TMEM200A: variants seen among roughly 807,000 people sequenced by gnomAD.
TMEM200A encodes two transmembrane C.
TMEM200A carries 12 observed loss-of-function variants against 24.3 expected under a neutral mutation model. The ratio of observed to expected loss-of-function variants is 0.49; its 90% CI spans 0.32 to 0.80. The LOEUF (loss-of-function observed/expected upper bound fraction) is 0.80. TMEM200A is among the 30% of genes least tolerant of loss of function. TMEM200A has a pLI of 0.04. For synonymous variants in TMEM200A, 224 were observed against 224.4 expected (o/e 1.00, Z 0.02); for missense variants, 545 against 614.4 (o/e 0.89, Z 1.19).
chr6:130,384,876 C>G (rs962727144), intron 1 of TMEM200A, among the ~76,000 whole-genome samples: 2 of 152,108 alleles, frequency 1.3e-5, no homozygotes, highest in African/African-American at 4.8e-5. Flanking sequence ...GGATGTTAGA[C>G]AGTTTGGGAT....
At chr6:130,401,434 T>TTTCCTTCC (rs66555845) in intron 2 of TMEM200A, among the ~76,000 whole-genome samples, 1 of 144,920 alleles carries the variant, frequency 6.9e-6, no homozygotes, top group East Asian at 2.0e-4. Context: ...TCTTTCTCTC[T>TTTCCTTCC]TTCCTTCCTT....
intron 2 of TMEM200A, among the ~76,000 whole-genome samples, chr6:130,393,978 C>T (rs1413886000): frequency 1.3e-5 from 2 of 152,104 alleles, no homozygotes; most frequent in Non-Finnish European, 2.9e-5. Context: ...ATCACATATG[C>T]CTCTTTGATT....
chr6:130,388,922 C>G (rs2115104056), intron 2 of TMEM200A, among the ~76,000 whole-genome samples: 1 of 152,196 alleles, frequency 6.6e-6, no homozygotes, highest in South Asian at 2.1e-4. Flanking sequence ...AGAGAAATTA[C>G]TTACAAAACC....
intron 1 of TMEM200A, among the ~76,000 whole-genome samples, chr6:130,368,974 G>A (rs1030469260): frequency 5.3e-5 from 8 of 152,222 alleles, no homozygotes; most frequent in Non-Finnish European, 8.8e-5. Context: ...AATTCTGGCA[G>A]AATTAAAGAG....
chr6:130,393,237 G>A (rs1435472400), intron 2 of TMEM200A, among the ~76,000 whole-genome samples: 2 of 152,144 alleles, frequency 1.3e-5, no homozygotes, highest in Non-Finnish European at 2.9e-5. Flanking sequence ...GGAAGACCAA[G>A]GGATCTGGGT....
chr6:130,409,074 C>T (rs1779275018), intron 2 of TMEM200A, among the ~76,000 whole-genome samples: 1 of 152,166 alleles, frequency 6.6e-6, no homozygotes, highest in African/African-American at 2.4e-5. Context: ...CCACATGCAT[C>T]TGAATCTCCT....
At chr6:130,413,396 G>C (rs567942546) in intron 2 of TMEM200A, among the ~76,000 whole-genome samples, 2 of 152,238 alleles carry the variant, frequency 1.3e-5, no homozygotes, top group Non-Finnish European at 2.9e-5. Flanking sequence ...TGTCTCACAG[G>C]CATTTCAGAC....
At chr6:130,371,638 A>G (rs745270) in intron 1 of TMEM200A, among the ~76,000 whole-genome samples, 35,998 of 152,164 alleles carry the variant, frequency 0.24, 5,695 homozygotes, top group African/African-American at 0.45. Context: ...AACCTGGACA[A>G]GAATGTCAAG....
intron 2 of TMEM200A, among the ~76,000 whole-genome samples, chr6:130,427,258 T>A (rs1779765993): frequency 6.6e-6 from 1 of 152,120 alleles, no homozygotes; most frequent in Non-Finnish European, 1.5e-5. Flanking sequence ...TAAGTGAGAG[T>A]TCTGTTACGT....
Position 130,366,758 on chromosome 6 carries a change from C to T in TMEM200A, c.-81+234C>T, listed in dbSNP as rs1045846912. On this transcript the variant is annotated intron_variant, in intron 1 of 2. Transcript: ENST00000296978. This position sits in a 1 kb window ranked among gnomAD's most constrained non-coding sequence, Gnocchi z 4.4. The stretch of plus-strand genomic sequence containing the variant: ...GCCGTGCGGGGCAGCCTCCAAGAAC[C>T]CGGAGTACTGGAGCGCCTGGCTGGG... Among the ~76,000 whole-genome samples, 5 of 152,200 alleles carry T rather than the reference C, an allele frequency of 3.3e-5. No individual in the cohort carries two copies. The highest frequency in any genetic ancestry group is 7.3e-5 in the Non-Finnish European group (5 of 68,030).
intron 2 of TMEM200A, among the ~76,000 whole-genome samples, chr6:130,421,793 T>G (rs1779598241): frequency 6.6e-6 from 1 of 152,166 alleles, no homozygotes; most frequent in Non-Finnish European, 1.5e-5. Flanking sequence ...AGTATTTTTC[T>G]TTTTGTCTGG....
chr6:130,395,447 T>C (rs1778930558), intron 2 of TMEM200A, among the ~76,000 whole-genome samples: 1 of 152,172 alleles, frequency 6.6e-6, no homozygotes, highest in African/African-American at 2.4e-5. Flanking sequence ...GAAGTCATGC[T>C]AAGAAAGAAC....
intron 2 of TMEM200A, among the ~76,000 whole-genome samples, chr6:130,436,388 T>G (rs755408331): frequency 2.6e-5 from 4 of 151,416 alleles, no homozygotes; most frequent in Non-Finnish European, 5.9e-5. Flanking sequence ...AACAGGATTC[T>G]TACATTTCCC....
chr6:130,378,283 C>T (rs1484745857), intron 1 of TMEM200A, among the ~76,000 whole-genome samples: 1 of 151,582 alleles, frequency 6.6e-6, no homozygotes, highest in East Asian at 1.9e-4. Flanking sequence ...TTTATTGGGC[C>T]TAACCCTTAC....
chr6:130,386,491 T>G (rs973730114), intron 2 of TMEM200A, among the ~76,000 whole-genome samples: 4 of 152,212 alleles, frequency 2.6e-5, no homozygotes, highest in Non-Finnish European at 5.9e-5. Context: ...GAATTGAAAT[T>G]GATGATCTTT....
chr6:130,415,254 CA>C (rs1422607725), intron 2 of TMEM200A, among the ~76,000 whole-genome samples: 1 of 152,080 alleles, frequency 6.6e-6, no homozygotes, highest in Non-Finnish European at 1.5e-5. Flanking sequence ...GGTTTGACCT[CA>C]AAGAGAGGGT....
intron 2 of TMEM200A, among the ~76,000 whole-genome samples, chr6:130,423,623 C>T (rs1028654074): frequency 1.8e-4 from 27 of 152,002 alleles, no homozygotes; most frequent in African/African-American, 6.3e-4. Flanking sequence ...AATTTTAAAC[C>T]TGCTTAGGTT....
At chr6:130,405,523 C>G (rs9492582) in intron 2 of TMEM200A, among the ~76,000 whole-genome samples, 37,736 of 152,060 alleles carry the variant, frequency 0.25, 5,786 homozygotes, top group African/African-American at 0.43. Context: ...AGTTCACTTT[C>G]CATTAGTTGA....
chr6:130,369,249 G>A (rs183591097), intron 1 of TMEM200A, among the ~76,000 whole-genome samples: 5 of 152,276 alleles, frequency 3.3e-5, no homozygotes, highest in South Asian at 2.1e-4. Context: ...AACAACCCTC[G>A]GAAGTAATTA....
Sources: allele counts gnomAD v4.1 joint callset (sites outside exome capture counted in the v4.1 genomes callset), GRCh38; gene constraint gnomAD v4.1.1; non-coding constraint Gnocchi (gnomAD v3.1); transcripts MANE v1.5; gene names NCBI Gene and HGNC (gene_info 2026-07-23, HGNC 2026-07-21).